Variants in COL10A1 observed in about 807,000 individuals in gnomAD.
The protein encoded by COL10A1 is collagen alpha-1(X) chain.
Under a neutral mutation model 18.2 loss-of-function variants are expected in COL10A1, and 10 were observed. That is an observed-to-expected ratio of 0.55 (90% confidence interval 0.34 to 0.93). COL10A1 has a LOEUF of 0.93. COL10A1 is among the 40% of genes least tolerant of loss of function. The pLI is 0.02. For synonymous variants in COL10A1, 330 were observed against 316.6 expected (o/e 1.04, Z -0.45); for missense variants, 897 against 853.5 (o/e 1.05, Z -0.64).
chr6:116,153,365 A>C (rs991729091), intron 1 of COL10A1, among the ~76,000 whole-genome samples: 1 of 152,130 alleles, frequency 6.6e-6, no homozygotes, highest in Non-Finnish European at 1.5e-5. Context: ...CTTGAGGGTG[A>C]ATTTAGCTCG....
At chr6:116,148,121 A>T (rs370693830) in intron 1 of COL10A1, among the ~76,000 whole-genome samples, 3 of 152,322 alleles carry the variant, frequency 2.0e-5, no homozygotes, top group East Asian at 1.9e-4. Context: ...TACATAATTG[A>T]TATGTATGTA....
At chr6:116,207,370 C>CAA in the COL10A1 span, among the ~76,000 whole-genome samples, 25 of 151,434 alleles carry the variant, frequency 1.7e-4, no homozygotes, top group South Asian at 8.3e-4. Flanking sequence ...AGAGAGAAAG[C>CAA]AAAAAAAATC....
At chr6:116,199,999 T>TGG in the COL10A1 span, among the ~76,000 whole-genome samples, 4 of 115,462 alleles carry the variant, frequency 3.5e-5, no homozygotes, top group African/African-American at 1.1e-4. Context: ...GTATGGAAAG[T>TGG]GGGGGGGGAA....
the COL10A1 span, among the ~76,000 whole-genome samples, chr6:116,184,871 A>G: frequency 6.6e-6 from 1 of 151,574 alleles, no homozygotes; most frequent in East Asian, 1.9e-4. Context: ...TTTTGTTTCA[A>G]TTTTTAGCTT....
the COL10A1 span, among the ~76,000 whole-genome samples, chr6:116,216,402 A>AT: frequency 6.6e-6 from 1 of 151,604 alleles, no homozygotes; most frequent in African/African-American, 2.4e-5. Flanking sequence ...TAAAAAAAAA[A>AT]ATACCAATGT....
chr6:116,182,704 A>G, the COL10A1 span, among the ~76,000 whole-genome samples: 2 of 151,844 alleles, frequency 1.3e-5, no homozygotes, highest in Non-Finnish European at 1.5e-5. Flanking sequence ...TTGTCTCTTC[A>G]TGTCCTTAGC....
chr6:116,119,782 G>A lies in COL10A1; in HGVS notation c.*291C>T, dbSNP rs550887467. On this transcript the variant is annotated 3_prime_UTR_variant, in exon 3 of 3. Transcript: ENST00000651968. ...ATTTTTTTTTTGTTGTTTGTTTTTT[G>A]TTGTTTGTTTTTAACATAGCAGGAC... The A allele has an allele frequency of 3.6e-4, 88 of 247,652 alleles. No individual in the cohort carries two copies. Among genetic ancestry groups the A allele is most frequent in the South Asian group, 2.9e-3 (19 of 6,528 alleles). The allele number at this position is 247,652 out of a possible 1,614,324, so 15.3% of individuals were successfully genotyped here. A position where few individuals can be genotyped will look rare whatever the true frequency, so the allele number is the denominator to read the frequency against.
chr6:116,202,747 T>C, the COL10A1 span, among the ~76,000 whole-genome samples: 1 of 152,104 alleles, frequency 6.6e-6, no homozygotes, highest in East Asian at 1.9e-4. Flanking sequence ...CAGATAAACA[T>C]TAAAATATTA....
At chr6:116,165,104 A>AAAAAAAAAG in the COL10A1 span, among the ~76,000 whole-genome samples, 14 of 151,456 alleles carry the variant, frequency 9.2e-5, no homozygotes, top group Non-Finnish European at 1.9e-4. Flanking sequence ...CTCAGAAAAA[A>AAAAAAAAAG]AAAAAAAAAA....
At chr6:116,206,948 T>C in the COL10A1 span, among the ~76,000 whole-genome samples, 2 of 152,004 alleles carry the variant, frequency 1.3e-5, no homozygotes, top group African/African-American at 4.8e-5. Context: ...TTTCTTCTTG[T>C]TTATTGAGTA....
the COL10A1 span, among the ~76,000 whole-genome samples, chr6:116,197,945 C>CA: frequency 3.9e-5 from 6 of 152,050 alleles, no homozygotes; most frequent in Non-Finnish European, 7.4e-5. Context: ...GGGCTGCCAC[C>CA]AAAGCTCTCT....
chr6:116,207,607 T>C, the COL10A1 span, among the ~76,000 whole-genome samples: 1 of 151,940 alleles, frequency 6.6e-6, no homozygotes, highest in Admixed American at 6.6e-5. Context: ...ATATATAAAC[T>C]TGTTGCATTA....
At chr6:116,147,441 C>CA (rs1409048411) in intron 1 of COL10A1, among the ~76,000 whole-genome samples, 2 of 143,684 alleles carry the variant, frequency 1.4e-5, no homozygotes, top group African/African-American at 2.6e-5. Flanking sequence ...GACTACATCT[C>CA]AAAAAAGAAA....
chr6:116,155,011 A>G (rs1780149113), intron 1 of COL10A1, among the ~76,000 whole-genome samples: 1 of 152,200 alleles, frequency 6.6e-6, no homozygotes, highest in Admixed American at 6.6e-5. Flanking sequence ...CTGGTTTGAA[A>G]TGAGGCTGGT....
intron 2 of COL10A1, among the ~76,000 whole-genome samples, chr6:116,123,521 A>G (rs1779200718): frequency 6.6e-6 from 1 of 152,262 alleles, no homozygotes; most frequent in Non-Finnish European, 1.5e-5. Context: ...TCTGCCCACC[A>G]GCTGTGGAAT....
At chr6:116,215,315 C>T in the COL10A1 span, among the ~76,000 whole-genome samples, 1 of 152,110 alleles carries the variant, frequency 6.6e-6, no homozygotes, top group African/African-American at 2.4e-5. Context: ...AACATGGTCT[C>T]CAAACTTTTT....
At chr6:116,191,301 C>T in the COL10A1 span, among the ~76,000 whole-genome samples, 1 of 152,004 alleles carries the variant, frequency 6.6e-6, no homozygotes, top group East Asian at 1.9e-4. Context: ...CAAGGAAGAG[C>T]ATCTGAGGTC....
chr6:116,125,697 GA>G (rs1779281216), intron 1 of COL10A1, 190 bp from the exon 2 acceptor site: 2 of 475,142 alleles, frequency 4.2e-6, no homozygotes, highest in Non-Finnish European at 7.5e-6. Flanking sequence ...GTTATTTTTG[GA>G]AGCTATACTC....
the COL10A1 span, among the ~76,000 whole-genome samples, chr6:116,180,558 G>GA: frequency 5.3e-5 from 8 of 152,144 alleles, no homozygotes; most frequent in African/African-American, 1.9e-4. Context: ...CACAAAGAAA[G>GA]AAACATTCAG....
Sources: allele counts gnomAD v4.1 joint callset (sites outside exome capture counted in the v4.1 genomes callset), GRCh38; gene constraint gnomAD v4.1.1; transcripts MANE v1.5; gene names NCBI Gene and HGNC (gene_info 2026-07-23, HGNC 2026-07-21).